The following C16orf96 variants were observed in gnomAD, a reference collection of about 807,000 sequenced individuals.
C16orf96 encodes the protein uncharacterized protein C16orf96.
Under a neutral mutation model 103.6 loss-of-function variants are expected in C16orf96, and 108 were observed. The ratio of observed to expected loss-of-function variants is 1.04; its 90% CI spans 0.89 to 1.22. The LOEUF (loss-of-function observed/expected upper bound fraction) is 1.22. C16orf96 is among the 50% of genes most tolerant of loss of function. The pLI is 0.00. For synonymous variants in C16orf96, 566 were observed against 593.5 expected (o/e 0.95, Z 0.67); for missense variants, 1,586 against 1,464.2 (o/e 1.08, Z -1.36).
intron 1 of C16orf96, among the ~76,000 whole-genome samples, chr16:4,571,065 G>A (rs953871019): frequency 1.3e-5 from 2 of 152,164 alleles, no homozygotes; most frequent in Middle Eastern, 3.4e-3. Context: ...GCACACCTGC[G>A]GTCTCAGCTA....
intron 7 of C16orf96, among the ~76,000 whole-genome samples, chr16:4,585,643 C>T (rs190151403): frequency 6.6e-6 from 1 of 152,208 alleles, no homozygotes; most frequent in African/African-American, 2.4e-5. Flanking sequence ...GGATCAGTTC[C>T]CTGCGGTTGC....
At chr16:4,576,881 A>G (rs2059517305) in intron 5 of C16orf96, among the ~76,000 whole-genome samples, 1 of 152,220 alleles carries the variant, frequency 6.6e-6, no homozygotes, top group Non-Finnish European at 1.5e-5. Context: ...GGAAAATGGC[A>G]TGCCAAAATT....
rs1359277264 is a variant in C16orf96 at position 4,594,746 on chromosome 16, G to T, written c.3070G>T (p.Gly1024Cys). ...GGGCGTGGATGGGATCCTGTACAAA[G>T]GCCGCGTGAACAGCCAGCGTGGGGC... ...ILGVDGILYK[G>C]RVNSQRGAQP... The change falls in exon 14 of 16, where the codon GGC (glycine) becomes TGC (cysteine). Residue 1024 changes from glycine to cysteine, a missense_variant. Gly to Cys is a radical substitution (Grantham distance 159). Coordinates refer to ENST00000444310, the MANE Select transcript of C16orf96 (RefSeq NM_001145011.2). 6.4e-7 allele frequency: 1 copy of T among 1,551,222 alleles called. No homozygotes were observed. The highest frequency in any genetic ancestry group is 1.4e-5 in the African/African-American group (1 of 73,162).
Position 4,599,321 on chromosome 16 carries a change from T to C in C16orf96, c.3165T>C (p.Tyr1055=). 6.4e-7 allele frequency: 1 copy of C among 1,551,672 alleles called. No individual in the cohort carries two copies. The highest frequency in any genetic ancestry group is 8.7e-7 in the Non-Finnish European group (1 of 1,146,960). ...KAPSPPSQSL[Y]DRVHSSALFG... is the part of the protein sequence containing the mutation. ...CATCTCCCCCGTCACAAAGCCTGTATGACCGTGTGCACTCCAGTGCCCTAT... is the reference window on the plus strand; with the variant it reads ...CATCTCCCCCGTCACAAAGCCTGTACGACCGTGTGCACTCCAGTGCCCTAT... Residue 1055 remains tyrosine, a synonymous_variant, in exon 15 of 16, where the codon TAT becomes TAC. Coordinates refer to ENST00000444310, the MANE Select transcript of C16orf96 (RefSeq NM_001145011.2).
chr16:4,574,886 C>A, intron 3 of C16orf96, 86 bp from the exon 4 acceptor site: 1 of 1,523,938 alleles, frequency 6.6e-7, no homozygotes, highest in African/African-American at 1.4e-5. Flanking sequence ...AGGAGGAGAA[C>A]ACAGCCTGGA....
Position 4,600,556 on chromosome 16 carries a change from C to G in C16orf96, c.*239C>G. 1 of 488,578 alleles carries G rather than the reference C, an allele frequency of 2.0e-6. No individual in the cohort carries two copies. The highest frequency in any genetic ancestry group is 3.8e-6 in the Non-Finnish European group (1 of 266,236). The allele number at this position is 488,578 out of a possible 1,614,324, so 30.3% of individuals were successfully genotyped here. A position where few individuals can be genotyped will look rare whatever the true frequency, so the allele number is the denominator to read the frequency against. ...GAGACCCATATGCCCCCCCCACCCC[C>G]ACCAAGTCCCGTCCCCGGCTGAGAC... is the stretch of plus-strand genomic sequence containing the variant. On this transcript the variant is annotated 3_prime_UTR_variant, in exon 16 of 16. Transcript: ENST00000444310.
chr16:4,555,269 TACACACACACACACACACACAC>T (rs71139639), upstream of C16orf96, among the ~76,000 whole-genome samples: 3 of 145,586 alleles, frequency 2.1e-5, no homozygotes, highest in South Asian at 2.3e-4. Context: ...TCACACACAC[TACACACACACACACACACACAC>T]ACACACACAC....
chr16:4,597,620 G>A (rs947088813), intron 14 of C16orf96, among the ~76,000 whole-genome samples: 1 of 151,690 alleles, frequency 6.6e-6, no homozygotes, highest in African/African-American at 2.4e-5. Flanking sequence ...GCAGTGGGGC[G>A]ATCTCAGCTC....
the C16orf96 span, among the ~76,000 whole-genome samples, chr16:4,539,869 C>A: frequency 1.4e-4 from 22 of 152,134 alleles, no homozygotes; most frequent in Admixed American, 1.4e-3. Flanking sequence ...GAGCTGTAAT[C>A]TGACTCAACC....
rs1201449464 is a variant in C16orf96 at position 4,575,455 on chromosome 16, A to G, written c.975A>G (p.Ala325=). Reference sequence around the variant, plus strand: ...CACCTGGGTGCACAACTGAATTTGCACCTGGGCCTGCACCTGGGACTGAAC... The same window carrying G: ...CACCTGGGTGCACAACTGAATTTGCGCCTGGGCCTGCACCTGGGACTGAAC... The part of the protein sequence containing the change: ...ESAPGCTTEF[A]PGPAPGTEPV... Residue 325 remains alanine (A), a synonymous_variant, in exon 5 of 16, where the codon GCA becomes GCG. Transcript: ENST00000444310. 1.3e-6 allele frequency: 2 copies of G among 1,548,684 alleles called. No homozygotes were observed. Among genetic ancestry groups the G allele is most frequent in the East Asian group, 4.9e-5 (2 of 40,900 alleles).
chr16:4,599,390 C>T (rs1567138429), intron 15 of C16orf96, 26 bp downstream of exon 15: 1 of 1,537,886 alleles, frequency 6.5e-7, no homozygotes, highest in Non-Finnish European at 8.8e-7. Context: ...CCAGCCCCAG[C>T]CCAGCTGTGA....
chr16:4,553,987 G>A (rs554215080), upstream of C16orf96, among the ~76,000 whole-genome samples: 12 of 152,214 alleles, frequency 7.9e-5, no homozygotes, highest in East Asian at 3.9e-4. Flanking sequence ...TGTGTGGCGC[G>A]GGACCAGGAA....
rs1244394042 is a variant in C16orf96, at chr16:4,571,579, G to A, written c.439G>A (p.Asp147Asn). 2 of 1,552,264 alleles carry A rather than the reference G, an allele frequency of 1.3e-6. No homozygotes were observed. The highest frequency in any genetic ancestry group is 1.7e-6 in the Non-Finnish European group (2 of 1,147,066). ...VMAKSMQTLQ[D>N]LLTDLHALQV... ...TTTGCAGTCAATGCAGACCCTGCAG[G>A]ACTTGCTCACTGATCTTCATGCACT... is the stretch of plus-strand genomic sequence containing the variant. Residue 147 changes from aspartate (D) to asparagine (N), a missense_variant, in exon 2 of 16, where the codon GAC (aspartate) becomes AAC (asparagine). By Grantham distance (23) the Asp-to-Asn change is conservative. Transcript: ENST00000444310.
At chr16:4,548,470 G>A in the C16orf96 span, among the ~76,000 whole-genome samples, 3 of 152,180 alleles carry the variant, frequency 2.0e-5, no homozygotes, top group African/African-American at 7.2e-5. Flanking sequence ...TCTACCTCGT[G>A]GCACCTGCTA....
Position 4,556,589 on chromosome 16 carries a change from T to G in C16orf96, c.100T>G (p.Leu34Val), listed in dbSNP as rs759456719. 2.6e-6 allele frequency: 4 copies of G among 1,551,618 alleles called. No homozygotes were observed. The highest frequency in any genetic ancestry group is 3.5e-6 in the Non-Finnish European group (4 of 1,147,030). ...CCTGCACCTCCTGCTGCACGGCATCTTGGAGCACATCCACATGGCCGAGCT... is the reference window on the plus strand; with the variant it reads ...CCTGCACCTCCTGCTGCACGGCATCGTGGAGCACATCCACATGGCCGAGCT... ...KALHLLLHGI[L>V]EHIHMAELKK... is the part of the protein sequence containing the mutation. Residue 34 changes from leucine (L) to valine (V), a missense_variant, in exon 1 of 16, where the codon TTG (leucine) becomes GTG (valine). Coordinates refer to ENST00000444310, the MANE Select transcript of C16orf96 (RefSeq NM_001145011.2).
the C16orf96 span, among the ~76,000 whole-genome samples, chr16:4,546,056 G>T: frequency 0.017 from 2,526 of 151,658 alleles, 15 homozygotes; most frequent in Middle Eastern, 0.059. Context: ...CAGCATGTTG[G>T]CCAGGCTGAT....
intron 3 of C16orf96, 35 bp downstream of exon 3, chr16:4,574,824 C>T (rs540477510): frequency 6.5e-6 from 10 of 1,546,348 alleles, no homozygotes; most frequent in Non-Finnish European, 7.9e-6. Context: ...CCCCACTCCC[C>T]CTGGGACCCC....
intron 7 of C16orf96, among the ~76,000 whole-genome samples, chr16:4,585,645 T>G (rs1347043788): frequency 6.6e-6 from 1 of 152,148 alleles, no homozygotes; most frequent in Non-Finnish European, 1.5e-5. Context: ...ATCAGTTCCC[T>G]GCGGTTGCTG....
At position 4,575,609 on chromosome 16, in the gene C16orf96, G is replaced by A; in HGVS notation, c.1129G>A (p.Gly377Ser). The A allele has an allele frequency of 6.6e-7, 1 of 1,513,478 alleles. No individual in the cohort carries two copies. Among genetic ancestry groups the A allele is most frequent in the South Asian group, 1.3e-5 (1 of 78,246 alleles). 93.8% of individuals were successfully genotyped at this position (1,513,478 alleles called of 1,614,324 possible). Residue 377 changes from glycine to serine, a missense_variant, in exon 5 of 16, where the codon GGT becomes AGT. Gly to Ser is a moderately conservative substitution (Grantham distance 56, BLOSUM62 0). Coordinates refer to ENST00000444310, the MANE Select transcript of C16orf96 (RefSeq NM_001145011.2). Reference sequence around the variant, plus strand: ...TGTGCTTGGACCTGTGCCTGCCCCAGGTGCCCAGCCTCCACCACTGGGAGA... The same window carrying A: ...TGTGCTTGGACCTGTGCCTGCCCCAAGTGCCCAGCCTCCACCACTGGGAGA... Reference protein sequence around the residue: ...WPVLGPVPAPGAQPPPLGDWP... With the variant: ...WPVLGPVPAPSAQPPPLGDWP...
Sources: gnomAD v4.1 joint callset for allele counts (sites outside exome capture counted in the v4.1 genomes callset) on GRCh38, gnomAD v4.1.1 for gene constraint, MANE v1.5 for transcripts, NCBI Gene and HGNC (gene_info 2026-07-23, HGNC 2026-07-21) for gene names.